The following ROBO2 variants were observed in gnomAD, a reference collection of about 807,000 sequenced individuals.
ROBO2 encodes roundabout guidance receptor 2.
A neutral mutation model predicts 160.8 loss-of-function variants in ROBO2; 53 were observed. That is an observed-to-expected ratio of 0.33 (90% confidence interval 0.26 to 0.41). The LOEUF (loss-of-function observed/expected upper bound fraction) is 0.41. ROBO2 is among the 10% of genes least tolerant of loss of function. The pLI, the probability that ROBO2 is intolerant of heterozygous loss-of-function variation, is 1.00. For missense variants in ROBO2, 1,577 were observed against 1,722.4 expected (o/e 0.92, Z 1.49); for synonymous variants, 664 against 611.7 (o/e 1.09, Z -1.26).
intron 2 of ROBO2, among the ~76,000 whole-genome samples, chr3:77,442,358 G>T (rs998121004): frequency 2.0e-5 from 3 of 151,866 alleles, no homozygotes; most frequent in Non-Finnish European, 2.9e-5. Flanking sequence ...TGTGTTTGTT[G>T]CATGATGCTA....
At chr3:76,464,725 G>T (rs1436709887) in intron 2 of ROBO2, among the ~76,000 whole-genome samples, 1 of 151,998 alleles carries the variant, frequency 6.6e-6, no homozygotes, top group Non-Finnish European at 1.5e-5. Flanking sequence ...TAGTTTTCAA[G>T]AATTTTAGTT....
At chr3:76,862,424 C>G (rs1463584123) in intron 2 of ROBO2, among the ~76,000 whole-genome samples, 1 of 152,042 alleles carries the variant, frequency 6.6e-6, no homozygotes, top group Non-Finnish European at 1.5e-5. Flanking sequence ...TTATGCCACA[C>G]AGGAATTTTC....
chr3:77,190,228 A>G (rs1249270846), intron 2 of ROBO2, among the ~76,000 whole-genome samples: 1 of 151,944 alleles, frequency 6.6e-6, no homozygotes, highest in African/African-American at 2.4e-5. Context: ...TTTATGAAAG[A>G]CTAGTGTACA....
chr3:76,235,601 C>A (rs1704893855), intron 2 of ROBO2, among the ~76,000 whole-genome samples: 1 of 152,080 alleles, frequency 6.6e-6, no homozygotes, highest in African/African-American at 2.4e-5. Context: ...TAAAAAAAGT[C>A]AACTTAAAGA....
intron 2 of ROBO2, among the ~76,000 whole-genome samples, chr3:77,108,264 A>G (rs376996216): frequency 8.4e-6 from 1 of 118,944 alleles, no homozygotes; most frequent in Admixed American, 8.8e-5. Flanking sequence ...ATATATGTAT[A>G]CACATATGCA....
chr3:76,107,036 AAAAT>A (rs1413623107), intron 2 of ROBO2, among the ~76,000 whole-genome samples: 2 of 152,154 alleles, frequency 1.3e-5, no homozygotes, highest in African/African-American at 4.8e-5. Context: ...GAATTAATAA[AAAAT>A]AAAGCTGAAA....
intron 2 of ROBO2, among the ~76,000 whole-genome samples, chr3:77,279,258 A>T (rs1278003512): frequency 6.6e-6 from 1 of 151,994 alleles, no homozygotes; most frequent in Non-Finnish European, 1.5e-5. Flanking sequence ...ATGACCATAA[A>T]TTTTTTTAAC....
Position 77,396,068 on chromosome 3 carries a change from TA to T in ROBO2, c.389-81335del, listed in dbSNP as rs934799102. Among the ~76,000 whole-genome samples, 359 of 144,538 alleles carry T rather than the reference TA, an allele frequency of 2.5e-3. 9 individuals are homozygous for T. The highest frequency in any genetic ancestry group is 8.0e-4 in the East Asian group (4 of 5,028). 94.8% of individuals were successfully genotyped at this position (144,538 alleles called of 152,430 possible). ...TTTTTAAAATTATATCCAAGAAACTTAAAAAAAAAAAGAAAAGCACTAGCCA... is the reference window on the plus strand; with the variant it reads ...TTTTTAAAATTATATCCAAGAAACTTAAAAAAAAAAGAAAAGCACTAGCCA... On this transcript the variant is annotated intron_variant, in intron 2 of 25. Transcript: ENST00000461745.
At chr3:76,678,753 C>T (rs761740300) in intron 2 of ROBO2, among the ~76,000 whole-genome samples, 4 of 151,986 alleles carry the variant, frequency 2.6e-5, no homozygotes, top group South Asian at 2.1e-4. Flanking sequence ...TTTGCTCAGC[C>T]GCTAATATTG....
At chr3:77,292,997 C>G (rs538606714) in intron 2 of ROBO2, among the ~76,000 whole-genome samples, 1 of 144,614 alleles carries the variant, frequency 6.9e-6, no homozygotes, top group African/African-American at 2.6e-5. Context: ...GACGGTTAAA[C>G]GGGTAAGCTG....
intron 2 of ROBO2, among the ~76,000 whole-genome samples, chr3:76,965,099 A>G (rs2079970964): frequency 6.6e-6 from 1 of 152,234 alleles, no homozygotes. Context: ...GACATCATCA[A>G]TGTGTCAGCA....
At chr3:77,186,326 G>A (rs958423109) in intron 2 of ROBO2, among the ~76,000 whole-genome samples, 2 of 152,000 alleles carry the variant, frequency 1.3e-5, no homozygotes, top group East Asian at 3.9e-4. Context: ...ATCTTGTAAA[G>A]AGCAAATTCT....
intron 2 of ROBO2, among the ~76,000 whole-genome samples, chr3:77,307,702 G>A (rs1470470250): frequency 6.6e-6 from 1 of 152,168 alleles, no homozygotes; most frequent in African/African-American, 2.4e-5. Context: ...GGCCAACATA[G>A]CAAAACACCA....
intron 2 of ROBO2, among the ~76,000 whole-genome samples, chr3:76,616,766 C>T (rs2088618652): frequency 6.6e-6 from 1 of 152,116 alleles, no homozygotes; most frequent in African/African-American, 2.4e-5. Flanking sequence ...GTTTAAGAGA[C>T]AGGCCCTTGC....
intron 2 of ROBO2, among the ~76,000 whole-genome samples, chr3:77,172,023 G>A (rs945656657): frequency 1.3e-5 from 2 of 152,114 alleles, no homozygotes; most frequent in Non-Finnish European, 2.9e-5. Context: ...ACCTCTTAGA[G>A]TCAATGTATT....
intron 20 of ROBO2, among the ~76,000 whole-genome samples, 170 bp downstream of exon 21, chr3:77,602,661 GCCACCACCACCACCACCACCA>G (rs879356392): frequency 4.7e-5 from 6 of 128,242 alleles, no homozygotes; most frequent in South Asian, 2.8e-4. Flanking sequence ...CACCACCACC[GCCACCACCACCACCACCACCA>G]CCACCACCGC....
At chr3:77,292,298 A>C (rs2061392981) in intron 2 of ROBO2, among the ~76,000 whole-genome samples, 1 of 151,988 alleles carries the variant, frequency 6.6e-6, no homozygotes, top group Non-Finnish European at 1.5e-5. Flanking sequence ...ACATAAAGTA[A>C]AATTGATGGT....
intron 2 of ROBO2, among the ~76,000 whole-genome samples, chr3:77,136,969 AGACAG>A (rs547574732): frequency 1.3e-5 from 2 of 151,928 alleles, no homozygotes; most frequent in African/African-American, 2.4e-5. Context: ...TTTTTTGTAG[AGACAG>A]GGTGTTATTA....
intron 2 of ROBO2, among the ~76,000 whole-genome samples, chr3:76,348,229 A>G (rs1050633414): frequency 6.6e-6 from 1 of 152,098 alleles, no homozygotes; most frequent in Admixed American, 6.6e-5. Flanking sequence ...CAGTCTTCAT[A>G]AGAAGTCTGG....
Sources: allele counts gnomAD v4.1 joint callset (sites outside exome capture counted in the v4.1 genomes callset), GRCh38; gene constraint gnomAD v4.1.1; transcripts MANE v1.5; gene names NCBI Gene and HGNC (gene_info 2026-07-23, HGNC 2026-07-21).